The following IQSEC1 variants were observed in gnomAD, a reference collection of about 807,000 sequenced individuals.
IQSEC1 encodes the protein IQ motif and SEC7 domain-containing protein 1.
IQSEC1 carries 31 observed loss-of-function variants against 91.0 expected under a neutral mutation model. The ratio of observed to expected loss-of-function variants is 0.34; its 90% CI spans 0.26 to 0.46. IQSEC1 has a LOEUF of 0.46. IQSEC1 is among the 20% of genes least tolerant of loss of function. The pLI, the probability that IQSEC1 is intolerant of heterozygous loss-of-function variation, is 1.00. For synonymous variants in IQSEC1, 699 were observed against 662.6 expected (o/e 1.05, Z -0.84); for missense variants, 1,388 against 1,575.6 (o/e 0.88, Z 2.02).
intron 1 of IQSEC1, among the ~76,000 whole-genome samples, chr3:13,056,793 C>A (rs1704897154): frequency 6.6e-6 from 1 of 152,074 alleles, no homozygotes; most frequent in Non-Finnish European, 1.5e-5. Flanking sequence ...CAGAAAGCAA[C>A]CCAATTCACC....
intron 1 of IQSEC1, among the ~76,000 whole-genome samples, chr3:12,993,656 C>T (rs1175323923): frequency 6.6e-6 from 1 of 152,236 alleles, no homozygotes; most frequent in African/African-American, 2.4e-5. Flanking sequence ...GTTCGCAAGG[C>T]TTCGGGATAA....
At chr3:13,187,415 TTGTTTTGAATG>T (rs1171113192) in intron 1 of IQSEC1, among the ~76,000 whole-genome samples, 1 of 152,246 alleles carries the variant, frequency 6.6e-6, no homozygotes, top group African/African-American at 2.4e-5. Flanking sequence ...TTTGCTTAAC[TTGTTTTGAATG>T]TGTTTTGAAT....
intron 1 of IQSEC1, among the ~76,000 whole-genome samples, chr3:13,204,926 G>A (rs1330346767): frequency 2.0e-5 from 3 of 151,008 alleles, no homozygotes; most frequent in Admixed American, 6.6e-5. Flanking sequence ...TCAGCCTCCC[G>A]AGCGGCTGGG....
At chr3:12,950,067 C>T (rs954862755) in intron 1 of IQSEC1, among the ~76,000 whole-genome samples, 16 of 152,306 alleles carry the variant, frequency 1.1e-4, no homozygotes, top group Admixed American at 2.6e-4. Context: ...TGCCACTATG[C>T]GACGGGGGAG....
In IQSEC1 at chr3:12,900,739, G is replaced by A; in HGVS notation, c.*244C>T. On this transcript the variant is annotated 3_prime_UTR_variant, in exon 14 of 14. Coordinates refer to ENST00000613206, the MANE Select transcript of IQSEC1 (RefSeq NM_001134382.3). The stretch of plus-strand genomic sequence containing the variant: ...CCGTTTCAAGGCTGATGGTGTCTGA[G>A]GCCCACCCATCCCTCAGACTGAGGT... 1.4e-6 allele frequency: 2 copies of A among 1,418,422 alleles called. No individual in the cohort carries two copies. The highest frequency in any genetic ancestry group is 1.5e-5 in the South Asian group (1 of 66,536). 87.9% of individuals were successfully genotyped at this position (1,418,422 alleles called of 1,614,324 possible).
At chr3:13,134,058 G>A (rs1358489371) in intron 2 of IQSEC1, among the ~76,000 whole-genome samples, 3 of 152,210 alleles carry the variant, frequency 2.0e-5, no homozygotes, top group African/African-American at 4.8e-5. Context: ...ATACGAAAAT[G>A]GGTCAGTGGA....
rs62242710 is a variant in IQSEC1 at position 12,983,217 on chromosome 3, T to G, written c.24-41352A>C. Among the ~76,000 whole-genome samples the G allele has an allele frequency of 0.16, 23,675 of 152,148 alleles. 2,028 individuals carry two copies. The highest frequency in any genetic ancestry group is 0.22 in the African/African-American group (9,002 of 41,512). Reference sequence around the variant, plus strand: ...CTCCAGCTCCAGCACCTAAGCCCCATCCTCTGCAAACAGGGGTTTCACCCA... The same window carrying G: ...CTCCAGCTCCAGCACCTAAGCCCCAGCCTCTGCAAACAGGGGTTTCACCCA... On this transcript the variant is annotated intron_variant, in intron 1 of 13. Transcript: ENST00000613206. The surrounding 1 kb of genome is among the most constrained non-coding windows in gnomAD (Gnocchi z 4.3).
chr3:13,257,784 C>A (rs562994552), intron 1 of IQSEC1, among the ~76,000 whole-genome samples: 1 of 152,226 alleles, frequency 6.6e-6, no homozygotes, highest in African/African-American at 2.4e-5. Context: ...AAACTACATA[C>A]GCCCCTGCCA....
intron 3 of IQSEC1, among the ~76,000 whole-genome samples, chr3:12,927,175 C>T (rs185267989): frequency 6.6e-6 from 1 of 152,328 alleles, no homozygotes; most frequent in Admixed American, 6.5e-5. Flanking sequence ...CCATGGCTCA[C>T]CTACAGTTGG....
intron 1 of IQSEC1, among the ~76,000 whole-genome samples, chr3:13,044,533 C>G (rs149838553): frequency 4.6e-5 from 7 of 152,360 alleles, no homozygotes; most frequent in Admixed American, 1.3e-4. Context: ...CACCCAGTGT[C>G]ATCGGAATGG....
In IQSEC1 at chr3:12,979,471, T is replaced by G. The variant is rs1701349217; in HGVS notation, c.24-37606A>C. Reference sequence around the variant, plus strand: ...AAGCTGAAGAATGCTGGATTTGGGTTACAAAAAAGGCGGACACATGCACGC... The same window carrying G: ...AAGCTGAAGAATGCTGGATTTGGGTGACAAAAAAGGCGGACACATGCACGC... On this transcript the variant is annotated intron_variant, in intron 1 of 13. Transcript: ENST00000613206. The surrounding 1 kb of genome is among the most constrained non-coding windows in gnomAD (Gnocchi z 4.3). Among the ~76,000 whole-genome samples, 1 of 152,178 alleles carries G rather than the reference T, an allele frequency of 6.6e-6. No homozygotes were observed. The highest frequency in any genetic ancestry group is 1.5e-5 in the Non-Finnish European group (1 of 68,016).
At chr3:13,010,753 C>A (rs972897394) in intron 1 of IQSEC1, among the ~76,000 whole-genome samples, 1 of 152,166 alleles carries the variant, frequency 6.6e-6, no homozygotes, top group Non-Finnish European at 1.5e-5. Flanking sequence ...AAGCTCCTGG[C>A]GGCTCCTTCA....
chr3:13,041,651 C>G (rs1016001502), intron 1 of IQSEC1, among the ~76,000 whole-genome samples: 3 of 152,158 alleles, frequency 2.0e-5, no homozygotes, highest in Non-Finnish European at 4.4e-5. Flanking sequence ...AGAACACACA[C>G]GCTCGGAAGA....
chr3:12,920,710 C>T (rs1015856583), intron 5 of IQSEC1, 114 bp from the exon 6 acceptor site: 82 of 1,112,974 alleles, frequency 7.4e-5, no homozygotes, highest in Non-Finnish European at 1.0e-4. Context: ...TTCTGGTGAG[C>T]GAGGATCACA....
Position 12,915,130 on chromosome 3 carries a change from C to T in IQSEC1, c.2164G>A (p.Gly722Arg), listed in dbSNP as rs189762650. Residue 722 changes from glycine to arginine, a missense_variant, in exon 8 of 14, where the codon GGA becomes AGA. Coordinates refer to ENST00000613206, the MANE Select transcript of IQSEC1 (RefSeq NM_001134382.3). ...EKLIVGKKPI[G>R]SLHPGLGCVL... is the part of the protein sequence containing the mutation. Reference sequence around the variant, plus strand: ...CAGCCGAGCCCGGGATGCAGGGATCCGATCTGCGGGAGAATGTGAAACCAA... The same window carrying T: ...CAGCCGAGCCCGGGATGCAGGGATCTGATCTGCGGGAGAATGTGAAACCAA... 10 of 1,609,070 alleles carry T rather than the reference C, an allele frequency of 6.2e-6. No homozygotes were observed. Among genetic ancestry groups the T allele is most frequent in the Middle Eastern group, 1.7e-4 (1 of 6,052 alleles).
At chr3:13,068,207 G>T (rs995236878) in intron 1 of IQSEC1, among the ~76,000 whole-genome samples, 1 of 152,262 alleles carries the variant, frequency 6.6e-6, no homozygotes, top group Non-Finnish European at 1.5e-5. Context: ...GTGGATGTCG[G>T]ACCTGTCCTT....
intron 3 of IQSEC1, among the ~76,000 whole-genome samples, chr3:12,927,137 C>T (rs554160450): frequency 6.6e-6 from 1 of 152,356 alleles, no homozygotes; most frequent in South Asian, 2.1e-4. Flanking sequence ...CCCTTCTCTC[C>T]CTCCCTCAGC....
intron 2 of IQSEC1, among the ~76,000 whole-genome samples, chr3:13,089,572 G>A (rs1339805835): frequency 1.3e-5 from 2 of 152,016 alleles, no homozygotes; most frequent in East Asian, 1.9e-4. Context: ...GTGACAGAAT[G>A]AGACCCTGTC....
chr3:13,191,394 C>T (rs763724494), intron 1 of IQSEC1, among the ~76,000 whole-genome samples: 5 of 151,936 alleles, frequency 3.3e-5, no homozygotes, highest in African/African-American at 9.7e-5. Flanking sequence ...AAACCACAGC[C>T]GTGTTTCGGG....
Sources: allele counts gnomAD v4.1 joint callset (sites outside exome capture counted in the v4.1 genomes callset), GRCh38; gene constraint gnomAD v4.1.1; non-coding constraint Gnocchi (gnomAD v3.1); transcripts MANE v1.5; gene names NCBI Gene and HGNC (gene_info 2026-07-23, HGNC 2026-07-21).